Variants in RGMA observed in about 807,000 individuals in gnomAD.
The protein encoded by RGMA is repulsive guidance molecule BMP co-receptor a.
RGMA carries 10 observed loss-of-function variants against 23.2 expected under a neutral mutation model. The ratio of observed to expected loss-of-function variants is 0.43; its 90% CI spans 0.27 to 0.73. The LOEUF (loss-of-function observed/expected upper bound fraction) is 0.73. Among genes scored for constraint, RGMA ranks in the 30% least tolerant of loss-of-function variants. The pLI, the probability that RGMA is intolerant of heterozygous loss-of-function variation, is 0.20. For missense variants in RGMA, 547 were observed against 630.5 expected (o/e 0.87, Z 1.42); for synonymous variants, 308 against 279.3 (o/e 1.10, Z -1.03).
At chr15:93,066,837 T>C (rs1946345105) in intron 2 of RGMA, among the ~76,000 whole-genome samples, 1 of 152,196 alleles carries the variant, frequency 6.6e-6, no homozygotes, top group African/African-American at 2.4e-5. Flanking sequence ...TAATGACATA[T>C]TTATCCAAAA....
At position 93,045,375 on chromosome 15, in the gene RGMA, C is replaced by A. The variant is rs748795882; in HGVS notation, c.976G>T (p.Asp326Tyr). 6.2e-7 allele frequency: 1 copy of A among 1,611,756 alleles called. No individual in the cohort carries two copies. The highest frequency in any genetic ancestry group is 1.1e-5 in the South Asian group (1 of 90,980). Residue 326 changes from aspartate (D) to tyrosine (Y), a missense_variant, in exon 4 of 4, where the codon GAC (aspartate) becomes TAC (tyrosine). This residue lies in a region of RGMA where 205 missense variants were observed against 204.1 expected (regional missense o/e 1.00). Transcript: ENST00000329082. The surrounding 1 kb of genome is among the most constrained non-coding windows in gnomAD (Gnocchi z 6.9). ...GCATTGGTGTGGAAGGCCTGGAAGTCGATCTGCTGGTTGAGGGGGCAGCCC... is the reference window on the plus strand; with the variant it reads ...GCATTGGTGTGGAAGGCCTGGAAGTAGATCTGCTGGTTGAGGGGGCAGCCC... Reference protein sequence around the residue: ...LRGCPLNQQIDFQAFHTNAEG... With the variant: ...LRGCPLNQQIYFQAFHTNAEG...
chr15:93,061,670 A>G (rs966411576), intron 2 of RGMA, among the ~76,000 whole-genome samples: 7 of 152,262 alleles, frequency 4.6e-5, no homozygotes, highest in African/African-American at 1.7e-4. Flanking sequence ...TTTAATAGCA[A>G]CCTAGCACCT....
intron 1 of RGMA, among the ~76,000 whole-genome samples, chr15:93,081,825 T>C (rs988496995): frequency 1.3e-5 from 2 of 152,200 alleles, no homozygotes; most frequent in Non-Finnish European, 2.9e-5. Flanking sequence ...CCCCAGCTGA[T>C]GGGAGGTGGG....
At chr15:93,073,074 T>C (rs1246433573) in intron 1 of RGMA, 43 bp from the exon 2 acceptor site, 2 of 1,507,792 alleles carry the variant, frequency 1.3e-6, no homozygotes, top group African/African-American at 1.4e-5. Flanking sequence ...TAAATCACGC[T>C]GCGAAGAAAG....
intron 3 of RGMA, among the ~76,000 whole-genome samples, chr15:93,048,443 G>A (rs4360871): frequency 0.95 from 144,728 of 152,194 alleles, 69,240 homozygotes; most frequent in East Asian, 1. Flanking sequence ...CCTGATGGAG[G>A]CTGCGGAGGG....
intron 1 of RGMA, chr15:93,074,071 C>T: frequency 7.9e-7 from 1 of 1,263,258 alleles, no homozygotes; most frequent in Non-Finnish European, 1.0e-6. Flanking sequence ...AGTTCTGCTG[C>T]CGTTGTGATA....
In RGMA at chr15:93,040,617, C is replaced by G. The variant is rs2054712079; in HGVS notation, c.*4381G>C. On this transcript the variant is annotated 3_prime_UTR_variant, in exon 4 of 4. Transcript: ENST00000329082. ...ATGTGTGTCTCTCGGAACCTCTGGC[C>G]CACTTCCCTTTTCTCTGTGGAGCTC... 6.6e-6 allele frequency: 1 copy of G among 152,142 alleles called. No homozygotes were observed. The highest frequency in any genetic ancestry group is 1.5e-5 in the Non-Finnish European group (1 of 68,050). 9.4% of individuals were successfully genotyped at this position (152,142 alleles called of 1,614,324 possible).
At chr15:93,049,656 G>A (rs1205223102) in intron 3 of RGMA, among the ~76,000 whole-genome samples, 2 of 152,236 alleles carry the variant, frequency 1.3e-5, no homozygotes, top group Non-Finnish European at 2.9e-5. Context: ...CGGGTGTTTG[G>A]GGGCAGCTTC....
intron 3 of RGMA, among the ~76,000 whole-genome samples, chr15:93,047,139 A>C (rs1413872262): frequency 6.6e-6 from 1 of 152,046 alleles, no homozygotes; most frequent in African/African-American, 2.4e-5. Context: ...TCTCTTGGCC[A>C]CAAGCCCATA....
rs914697964 is a variant in RGMA, at chr15:93,043,507, C to G, written c.*1491G>C. The G allele has an allele frequency of 6.6e-6, 1 of 152,502 alleles. No homozygotes were observed. Among genetic ancestry groups the G allele is most frequent in the Non-Finnish European group, 1.5e-5 (1 of 68,050 alleles). The allele number at this position is 152,502 out of a possible 1,614,324, so 9.4% of individuals were successfully genotyped here. ...TGACACTCCACACAGGTCGCAGACA[C>G]GTGGACGCAGTGAGGGGTCCCCACT... On this transcript the variant is annotated 3_prime_UTR_variant, in exon 4 of 4. Transcript: ENST00000329082.
chr15:93,083,603 A>G (rs997941), intron 1 of RGMA, among the ~76,000 whole-genome samples: 12,623 of 152,290 alleles, frequency 0.083, 1,068 homozygotes, highest in East Asian at 0.48. Flanking sequence ...TGCTGGAATT[A>G]TAAATGTGAG....
At chr15:93,055,758 A>T (rs2141817364) in intron 2 of RGMA, among the ~76,000 whole-genome samples, 1 of 152,256 alleles carries the variant, frequency 6.6e-6, no homozygotes, top group Non-Finnish European at 1.5e-5. Context: ...GTCACCTCCC[A>T]GGGTGAGCAG....
rs958843761 is a variant in RGMA at position 93,038,646 on chromosome 15, C to T, written c.*6352G>A. ...CTGGAGTGCAGTGGTGCGATCTCTGCTTGCTGCAAGTTCTGCCTCCCGGGT... is the reference window on the plus strand; with the variant it reads ...CTGGAGTGCAGTGGTGCGATCTCTGTTTGCTGCAAGTTCTGCCTCCCGGGT... On this transcript the variant is annotated 3_prime_UTR_variant, in exon 4 of 4. Coordinates refer to ENST00000329082, the MANE Select transcript of RGMA (RefSeq NM_020211.3). 1 of 146,020 alleles carries T rather than the reference C, an allele frequency of 6.8e-6. No individual in the cohort carries two copies. Among genetic ancestry groups the T allele is most frequent in the Admixed American group, 7.2e-5 (1 of 13,846 alleles). 9.0% of individuals were successfully genotyped at this position (146,020 alleles called of 1,614,324 possible). A position where few individuals can be genotyped will look rare whatever the true frequency, so the allele number is the denominator to read the frequency against.
At chr15:93,067,277 G>GA (rs1181004750) in intron 2 of RGMA, among the ~76,000 whole-genome samples, 1 of 148,168 alleles carries the variant, frequency 6.7e-6, no homozygotes, top group African/African-American at 2.5e-5. Flanking sequence ...TGAGTATCTG[G>GA]AAAAAAGAAA....
rs1402350832 is a variant in RGMA at position 93,038,578 on chromosome 15, T to C, written c.*6420A>G. 1 of 143,308 alleles carries C rather than the reference T, an allele frequency of 7.0e-6. No individual in the cohort carries two copies. Among genetic ancestry groups the C allele is most frequent in the East Asian group, 1.9e-4 (1 of 5,152 alleles). 8.9% of individuals were successfully genotyped at this position (143,308 alleles called of 1,614,324 possible). A position where few individuals can be genotyped will look rare whatever the true frequency, so the allele number is the denominator to read the frequency against. ...AACGAAACTGTTAGTTGTTTTTTTT[T>C]TTTTTTTGAGACGGTGTCTTGCTCT... On this transcript the variant is annotated 3_prime_UTR_variant, in exon 4 of 4. Transcript: ENST00000329082.
Position 93,036,462 on chromosome 15 carries a change from G to A in RGMA, c.*8536C>T, listed in dbSNP as rs1340081861. ...TGCCGGAGTTTTCCTGCTCCACCCTGGGGAGGGACCCCTGGCCCCGCAGAC... is the reference window on the plus strand; with the variant it reads ...TGCCGGAGTTTTCCTGCTCCACCCTAGGGAGGGACCCCTGGCCCCGCAGAC... On this transcript the variant is annotated 3_prime_UTR_variant, in exon 4 of 4. Coordinates refer to ENST00000329082, the MANE Select transcript of RGMA (RefSeq NM_020211.3). The A allele has an allele frequency of 6.6e-6, 1 of 152,330 alleles. No homozygotes were observed. Among genetic ancestry groups the A allele is most frequent in the East Asian group, 1.9e-4 (1 of 5,192 alleles). The allele number at this position is 152,330 out of a possible 1,614,324, so 9.4% of individuals were successfully genotyped here.
At position 93,051,161 on chromosome 15, in the gene RGMA, G is replaced by A. The variant is rs965631244; in HGVS notation, c.645+832C>T. 4.6e-5 allele frequency among the ~76,000 whole-genome samples: 7 copies of A among 152,354 alleles called. No homozygotes were observed. In the East Asian group the frequency reaches 1.3e-3, roughly 29 times the overall value. On this transcript the variant is annotated intron_variant, in intron 3 of 3. Coordinates refer to ENST00000329082, the MANE Select transcript of RGMA (RefSeq NM_020211.3). ...GGCAGGCAAGGGCCACCGGAGCAGA[G>A]GGAAGTGGCAGGGATGGAGCATTTC...
intron 2 of RGMA, among the ~76,000 whole-genome samples, chr15:93,068,410 C>T (rs1895223179): frequency 6.6e-6 from 1 of 152,214 alleles, no homozygotes; most frequent in African/African-American, 2.4e-5. Context: ...CTCTTATCTT[C>T]CAAGGCCTCC....
chr15:93,072,745 G>A (rs539898054), intron 2 of RGMA, among the ~76,000 whole-genome samples, 171 bp downstream of exon 2: 18 of 152,114 alleles, frequency 1.2e-4, no homozygotes, highest in Non-Finnish European at 2.1e-4. Context: ...CCAAGGGCAG[G>A]CATCGCACCC....
Sources: allele counts gnomAD v4.1 joint callset (sites outside exome capture counted in the v4.1 genomes callset), GRCh38; gene constraint gnomAD v4.1.1; regional missense constraint gnomAD v4.1.1; non-coding constraint Gnocchi (gnomAD v3.1); transcripts MANE v1.5; gene names NCBI Gene and HGNC (gene_info 2026-07-23, HGNC 2026-07-21).